Variants in WWC2 observed in about 807,000 individuals in gnomAD.
WWC2 encodes protein WWC2.
Under a neutral mutation model 138.5 loss-of-function variants are expected in WWC2, and 101 were observed. That is an observed-to-expected ratio of 0.73 (90% CI 0.62 to 0.86). The LOEUF (loss-of-function observed/expected upper bound fraction) is 0.86, where lower values mean the gene tolerates loss of function less well. Among genes scored for constraint, WWC2 ranks in the 40% least tolerant of loss-of-function variants. The pLI is 0.00. For synonymous variants in WWC2, 558 were observed against 538.4 expected (o/e 1.04, Z -0.50); for missense variants, 1,420 against 1,419.4 (o/e 1.00, Z -0.01).
Position 183,319,651 on chromosome 4 carries a change from T to G in WWC2, c.*3922T>G. ...TGGCCCGAAGCTAGGGGAGCGTGGCTGGAGCAGGCTGCACAGTGGAGCAGA... is the reference window on the plus strand; with the variant it reads ...TGGCCCGAAGCTAGGGGAGCGTGGCGGGAGCAGGCTGCACAGTGGAGCAGA... On this transcript the variant is annotated 3_prime_UTR_variant, in exon 23 of 23. Transcript: ENST00000403733. 1.2e-6 allele frequency: 2 copies of G among 1,614,124 alleles called. No homozygotes were observed. Among genetic ancestry groups the G allele is most frequent in the Non-Finnish European group, 1.7e-6 (2 of 1,180,014 alleles).
chr4:183,307,484 A>G (rs1269142481), intron 21 of WWC2, among the ~76,000 whole-genome samples: 1 of 152,218 alleles, frequency 6.6e-6, no homozygotes, highest in Non-Finnish European at 1.5e-5. Context: ...AAACCAGGCA[A>G]AGACAAGGAA....
chr4:183,117,740 G>T (rs909094796), intron 1 of WWC2, among the ~76,000 whole-genome samples: 1 of 151,532 alleles, frequency 6.6e-6, no homozygotes, highest in Non-Finnish European at 1.5e-5. Flanking sequence ...AGAGTGCTGG[G>T]ATTACAGGCG....
At chr4:183,282,394 A>G (rs1204149117) in intron 17 of WWC2, among the ~76,000 whole-genome samples, 3 of 152,236 alleles carry the variant, frequency 2.0e-5, no homozygotes, top group Non-Finnish European at 4.4e-5. Context: ...GTGAGTGTCA[A>G]TATTTTTAAA....
intron 8 of WWC2, among the ~76,000 whole-genome samples, chr4:183,253,051 A>G (rs539459543): frequency 1.0e-3 from 157 of 152,120 alleles, no homozygotes; most frequent in Non-Finnish European, 1.9e-3. Flanking sequence ...AAAATCTTTA[A>G]AATATTTTTG....
chr4:183,254,034 T>A, intron 9 of WWC2, 35 bp downstream of exon 9: 1 of 1,603,882 alleles, frequency 6.2e-7, no homozygotes. Flanking sequence ...GCAGCTTAAC[T>A]CTTGTGGGGG....
intron 2 of WWC2, among the ~76,000 whole-genome samples, chr4:183,196,970 C>G (rs567228042): frequency 3.3e-5 from 5 of 151,994 alleles, no homozygotes; most frequent in Non-Finnish European, 7.4e-5. Flanking sequence ...TGTATGTTTT[C>G]CTCACTAAAT....
intron 14 of WWC2, among the ~76,000 whole-genome samples, chr4:183,267,033 CTT>C (rs879666630): frequency 4.9e-5 from 7 of 142,308 alleles, no homozygotes; most frequent in Non-Finnish European, 6.2e-5. Flanking sequence ...TAGTGGCTTT[CTT>C]TTTTTTTTTT....
rs967970221 is a variant in WWC2 at position 183,214,768 on chromosome 4, G to A, written c.522+5743G>A. 9.9e-4 allele frequency among the ~76,000 whole-genome samples: 149 copies of A among 151,184 alleles called. 1 individual carries two copies. Among genetic ancestry groups the A allele is most frequent in the African/African-American group, 3.2e-3 (133 of 41,076 alleles). The stretch of plus-strand genomic sequence containing the variant: ...GATTGCACCAGCCTGGGCAACAAGA[G>A]CGAAACTCCGTCTCAAAAAAAAAAA... On this transcript the variant is annotated intron_variant, in intron 4 of 22. Transcript: ENST00000403733.
At chr4:183,130,303 C>T (rs957621912) in intron 1 of WWC2, among the ~76,000 whole-genome samples, 6 of 152,196 alleles carry the variant, frequency 3.9e-5, no homozygotes, top group African/African-American at 7.2e-5. Context: ...CTACCTGCCT[C>T]GGCCTCCCAG....
Position 183,124,477 on chromosome 4 carries a change from G to A in WWC2, c.131+24855G>A, listed in dbSNP as rs1054873040. On this transcript the variant is annotated intron_variant, in intron 1 of 22. Coordinates refer to ENST00000403733, the MANE Select transcript of WWC2 (RefSeq NM_024949.6). The stretch of plus-strand genomic sequence containing the variant: ...TGATACAAATGACTCTTTCTAATTC[G>A]GTACTTTATGCTTTTGTTTTTAGTT... 4.1e-5 allele frequency among the ~76,000 whole-genome samples: 6 copies of A among 147,998 alleles called. No homozygotes were observed. In the South Asian group the frequency reaches 1.3e-3, roughly 32 times the overall value.
intron 4 of WWC2, among the ~76,000 whole-genome samples, chr4:183,226,193 C>T (rs1286846187): frequency 1.3e-5 from 2 of 150,174 alleles, no homozygotes; most frequent in Non-Finnish European, 3.0e-5. Context: ...GCCTCCCAGA[C>T]TCAGATGATC....
rs1360201900 is a variant in WWC2 at position 183,180,467 on chromosome 4, T to TGA, written c.132-13132_132-13131insGA. Among the ~76,000 whole-genome samples, 896 of 152,218 alleles carry TGA rather than the reference T, an allele frequency of 5.9e-3. 7 individuals are homozygous for TGA. The highest frequency in any genetic ancestry group is 0.019 in the African/African-American group (793 of 41,520). On this transcript the variant is annotated intron_variant, in intron 1 of 22. Transcript: ENST00000403733. ...CAACGATGTTCTGAAACCTGGCCAG[T>TGA]CTCACCAAGCTTGAAGTCTATTTTA...
chr4:183,156,965 TTAGAG>T (rs749149128), intron 1 of WWC2, among the ~76,000 whole-genome samples: 5 of 152,178 alleles, frequency 3.3e-5, no homozygotes, highest in Non-Finnish European at 7.3e-5. Context: ...CTGAACTGTG[TTAGAG>T]TAAATTGCAG....
intron 21 of WWC2, among the ~76,000 whole-genome samples, chr4:183,291,707 A>C (rs559120771): frequency 2.5e-4 from 38 of 152,244 alleles, no homozygotes; most frequent in Middle Eastern, 3.4e-3. Context: ...TAGGACTTAA[A>C]TTTTTTTACT....
intron 1 of WWC2, among the ~76,000 whole-genome samples, chr4:183,130,697 A>G (rs1025952050): frequency 1.3e-5 from 2 of 152,110 alleles, no homozygotes; most frequent in African/African-American, 4.8e-5. Context: ...TCATTTGTCC[A>G]CGTATTTATT....
intron 21 of WWC2, among the ~76,000 whole-genome samples, chr4:183,305,072 A>G (rs1423563382): frequency 2.6e-5 from 4 of 152,358 alleles, no homozygotes; most frequent in Admixed American, 6.5e-5. Context: ...GCAAGAATCA[A>G]AAAGAAGTCC....
At chr4:183,115,541 T>A (rs1485204761) in intron 1 of WWC2, among the ~76,000 whole-genome samples, 3 of 152,242 alleles carry the variant, frequency 2.0e-5, no homozygotes, top group Non-Finnish European at 4.4e-5. Context: ...ATCTTTTGAC[T>A]TTTATCTAAT....
intron 1 of WWC2, among the ~76,000 whole-genome samples, chr4:183,178,819 T>G (rs1438470386): frequency 6.6e-6 from 1 of 152,216 alleles, no homozygotes; most frequent in Non-Finnish European, 1.5e-5. Flanking sequence ...TAAGGCATCA[T>G]GGCCCCAAGT....
Position 183,248,776 on chromosome 4 carries a change from T to A in WWC2, c.795T>A (p.Asp265Glu), listed in dbSNP as rs1736880006. The A allele has an allele frequency of 5.0e-6, 8 of 1,604,628 alleles. No homozygotes were observed. Among genetic ancestry groups the A allele is most frequent in the Non-Finnish European group, 6.0e-6 (7 of 1,175,184 alleles). The change falls in exon 7 of 23, where the codon GAT (aspartate) becomes GAA (glutamate). Residue 265 changes from aspartate to glutamate, a missense_variant. Coordinates refer to ENST00000403733, the MANE Select transcript of WWC2 (RefSeq NM_024949.6). ...AGAACATTGGCAGATCTGAGCCAGA[T>A]TTGAGATGTAGTCCTGTGAACTCTC... ...LDQNIGRSEP[D>E]LRCSPVNSHL... is the part of the protein sequence containing the mutation.
Sources: allele counts gnomAD v4.1 joint callset (sites outside exome capture counted in the v4.1 genomes callset), GRCh38; gene constraint gnomAD v4.1.1; transcripts MANE v1.5; gene names NCBI Gene and HGNC (gene_info 2026-07-23, HGNC 2026-07-21).